Variants in CCDC192 observed in about 807,000 individuals in gnomAD.
The protein encoded by CCDC192 is coiled-coil domain containing 192, also known as coiled-coil domain-containing protein 192.
intron 6 of CCDC192, among the ~76,000 whole-genome samples, chr5:127,925,791 C>G (rs1286342046): frequency 1.3e-5 from 2 of 152,178 alleles, no homozygotes; most frequent in Non-Finnish European, 2.9e-5. Flanking sequence ...CTCTCTAAAA[C>G]CTACTTTCCC....
At chr5:127,841,126 T>C (rs1750264767) in intron 5 of CCDC192, among the ~76,000 whole-genome samples, 1 of 152,244 alleles carries the variant, frequency 6.6e-6, no homozygotes, top group Admixed American at 6.5e-5. Flanking sequence ...AAAGGAACTG[T>C]TAGCAGAAAG....
chr5:127,820,090 T>C (rs1476482651), intron 5 of CCDC192, among the ~76,000 whole-genome samples: 2 of 152,242 alleles, frequency 1.3e-5, no homozygotes, highest in African/African-American at 4.8e-5. Context: ...GAGCAGATAA[T>C]GCTGTGAATT....
chr5:127,849,444 T>G (rs986464179), intron 5 of CCDC192, among the ~76,000 whole-genome samples: 1 of 151,990 alleles, frequency 6.6e-6, no homozygotes, highest in Admixed American at 6.6e-5. Context: ...CTCACCTCTG[T>G]TCAAGAGAAT....
At chr5:127,784,508 G>T in intron 3 of CCDC192, 1 of 349,478 alleles carries the variant, frequency 2.9e-6, no homozygotes. Context: ...CTTTAAAAAG[G>T]GAGGTACAAT....
At chr5:127,866,255 TAA>T (rs1751607805) in intron 5 of CCDC192, among the ~76,000 whole-genome samples, 1 of 151,982 alleles carries the variant, frequency 6.6e-6, no homozygotes, top group Non-Finnish European at 1.5e-5. Context: ...ACCTTTCAAG[TAA>T]AAGAGTCAAA....
intron 6 of CCDC192, among the ~76,000 whole-genome samples, chr5:127,896,171 G>A (rs1014535111): frequency 1.2e-4 from 18 of 152,082 alleles, no homozygotes; most frequent in African/African-American, 3.9e-4. Flanking sequence ...GGGTGTGGTG[G>A]CTCCCTCCTG....
chr5:127,857,262 C>T (rs1751141929), intron 5 of CCDC192, among the ~76,000 whole-genome samples: 1 of 152,110 alleles, frequency 6.6e-6, no homozygotes, highest in African/African-American at 2.4e-5. Context: ...CATTATAGTC[C>T]TTCCAGTTGT....
intron 2 of CCDC192, among the ~76,000 whole-genome samples, chr5:127,741,980 A>T (rs760084980): frequency 3.7e-4 from 56 of 152,152 alleles, no homozygotes; most frequent in Non-Finnish European, 5.4e-4. Flanking sequence ...CAAACTTGTG[A>T]CATTCTTTTC....
chr5:127,800,388 A>AAAAAAAAAAAAAAAC (rs1757426600), intron 5 of CCDC192, among the ~76,000 whole-genome samples: 1 of 137,954 alleles, frequency 7.2e-6, no homozygotes. Flanking sequence ...AAAAAAAAAA[A>AAAAAAAAAAAAAAAC]AAAAAAAAAA....
chr5:127,845,134 A>G (rs1750474723), intron 5 of CCDC192, among the ~76,000 whole-genome samples: 2 of 152,194 alleles, frequency 1.3e-5, no homozygotes, highest in Non-Finnish European at 2.9e-5. Context: ...CCATCTAAGA[A>G]AAGCAAGAAA....
At chr5:127,829,176 C>T (rs997608923) in intron 5 of CCDC192, among the ~76,000 whole-genome samples, 5 of 152,124 alleles carry the variant, frequency 3.3e-5, no homozygotes, top group Non-Finnish European at 7.4e-5. Context: ...TGTTGAGGAG[C>T]AGGCTGGGGA....
chr5:127,924,523 A>G (rs191050872), intron 6 of CCDC192, among the ~76,000 whole-genome samples: 123 of 152,368 alleles, frequency 8.1e-4, no homozygotes, highest in African/African-American at 2.9e-3. Flanking sequence ...CTGTTGTTTT[A>G]TCTTTTAAAG....
chr5:127,886,167 C>T (rs1243422953), intron 6 of CCDC192, among the ~76,000 whole-genome samples: 1 of 152,192 alleles, frequency 6.6e-6, no homozygotes, highest in Non-Finnish European at 1.5e-5. Flanking sequence ...CCACTAAGAC[C>T]TGGAAGTCCT....
At chr5:127,775,083 T>TC (rs1755779893) in intron 3 of CCDC192, among the ~76,000 whole-genome samples, 1 of 152,150 alleles carries the variant, frequency 6.6e-6, no homozygotes, top group Non-Finnish European at 1.5e-5. Context: ...TGCCTTTTTT[T>TC]CCCTGTATTT....
At chr5:127,778,978 T>C (rs1011019832) in intron 3 of CCDC192, among the ~76,000 whole-genome samples, 1 of 152,162 alleles carries the variant, frequency 6.6e-6, no homozygotes, top group African/African-American at 2.4e-5. Flanking sequence ...CTTTCATTTC[T>C]GATTCTAGTT....
intron 5 of CCDC192, among the ~76,000 whole-genome samples, chr5:127,840,603 TATTA>T (rs71957508): frequency 0.25 from 37,293 of 151,804 alleles, 4,762 homozygotes; most frequent in Non-Finnish European, 0.29. Context: ...TTTATTAAAT[TATTA>T]ATTAATTTAT....
intron 5 of CCDC192, among the ~76,000 whole-genome samples, chr5:127,801,519 G>T (rs2126979687): frequency 6.6e-6 from 1 of 152,174 alleles, no homozygotes; most frequent in African/African-American, 2.4e-5. Flanking sequence ...TACTAGAATG[G>T]AGCTGCTATC....
intron 2 of CCDC192, among the ~76,000 whole-genome samples, chr5:127,719,074 C>T (rs1184533635): frequency 8.6e-5 from 13 of 152,020 alleles, no homozygotes; most frequent in Admixed American, 8.5e-4. Flanking sequence ...TTCTGTTAGC[C>T]ATCCTTCCAC....
At chr5:127,741,322 C>T (rs185403067) in intron 2 of CCDC192, among the ~76,000 whole-genome samples, 2 of 152,246 alleles carry the variant, frequency 1.3e-5, no homozygotes, top group Non-Finnish European at 2.9e-5. Context: ...CTTAGCCTCC[C>T]AAAATGCTGG....
Sources: allele counts gnomAD v4.1 joint callset (sites outside exome capture counted in the v4.1 genomes callset), GRCh38; gene constraint gnomAD v4.1.1; transcripts MANE v1.5; gene names NCBI Gene and HGNC (gene_info 2026-07-23, HGNC 2026-07-21).